Variants in ITGA9 observed in about 807,000 individuals in gnomAD.
ITGA9 encodes integrin alpha-9.
ITGA9 carries 56 observed loss-of-function variants against 127.8 expected under a neutral mutation model. The observed-to-expected ratio is 0.44, with a 90% confidence interval of 0.35 to 0.55. The LOEUF is 0.55. ITGA9 is among the 20% of genes least tolerant of loss of function. ITGA9 has a pLI of 0.00. For missense variants in ITGA9, 1,196 were observed against 1,347.1 expected (o/e 0.89, Z 1.76); for synonymous variants, 508 against 514.5 (o/e 0.99, Z 0.17).
At chr3:37,580,505 G>C (rs1306528377) in intron 15 of ITGA9, among the ~76,000 whole-genome samples, 1 of 152,204 alleles carries the variant, frequency 6.6e-6, no homozygotes, top group Non-Finnish European at 1.5e-5. Context: ...AGGGAAAGGG[G>C]AAAAATCACT....
rs372528545 is a variant in ITGA9, at chr3:37,555,347, C to T, written c.1689+12762C>T. Reference sequence around the variant, plus strand: ...ACTTTCTGTGATGAAGGAAATGTTCCGTATCAGCACTGTCCAATATGGTGG... The same window carrying T: ...ACTTTCTGTGATGAAGGAAATGTTCTGTATCAGCACTGTCCAATATGGTGG... On this transcript the variant is annotated intron_variant, in intron 15 of 27. Transcript: ENST00000264741. Among the ~76,000 whole-genome samples the T allele has an allele frequency of 2.9e-5, 4 of 139,880 alleles. No individual in the cohort carries two copies. In the East Asian group the frequency reaches 7.3e-4, roughly 25 times the overall value. The allele number at this position is 139,880 out of a possible 152,430, so 91.8% of individuals were successfully genotyped here.
In ITGA9 at chr3:37,821,096, T is replaced by G. The variant is rs1697509079; in HGVS notation, c.*2107T>G. On this transcript the variant is annotated 3_prime_UTR_variant, in exon 28 of 28. Coordinates refer to ENST00000264741, the MANE Select transcript of ITGA9 (RefSeq NM_002207.3). The stretch of plus-strand genomic sequence containing the variant: ...GATTACAGATGTAACCTCATGCTTC[T>G]CTTCCTGGTGAACATGGGAATAGAC... 1 of 152,204 alleles carries G rather than the reference T, an allele frequency of 6.6e-6. No homozygotes were observed. Among genetic ancestry groups the G allele is most frequent in the Non-Finnish European group, 1.5e-5 (1 of 68,038 alleles). 9.4% of individuals were successfully genotyped at this position (152,204 alleles called of 1,614,324 possible).
At chr3:37,521,691 G>A (rs1006815903) in intron 11 of ITGA9, among the ~76,000 whole-genome samples, 15 of 152,276 alleles carry the variant, frequency 9.9e-5, no homozygotes, top group Admixed American at 4.6e-4. Context: ...TCTGCCCCTC[G>A]TCCCAGCCAC....
chr3:37,640,520 A>C (rs1700322018), intron 16 of ITGA9, among the ~76,000 whole-genome samples: 1 of 152,092 alleles, frequency 6.6e-6, no homozygotes, highest in African/African-American at 2.4e-5. Context: ...CCTCTAGATA[A>C]TCGTCCAGAC....
chr3:37,659,599 T>G (rs954607126), intron 17 of ITGA9, among the ~76,000 whole-genome samples: 1 of 152,104 alleles, frequency 6.6e-6, no homozygotes, highest in Admixed American at 6.5e-5. Context: ...TTCAAGGTTC[T>G]TAGCATCCTT....
intron 18 of ITGA9, among the ~76,000 whole-genome samples, chr3:37,708,368 C>T (rs1701030424): frequency 6.6e-6 from 1 of 152,178 alleles, no homozygotes; most frequent in South Asian, 2.1e-4. Flanking sequence ...ATGATTTCAG[C>T]TCAAATTCAA....
Position 37,732,695 on chromosome 3 carries a change from G to A in ITGA9, c.2068-17G>A. On this transcript the variant is annotated splice_polypyrimidine_tract_variant and intron_variant, in intron 18 of 27. Coordinates refer to ENST00000264741, the MANE Select transcript of ITGA9 (RefSeq NM_002207.3). ...CTTTTGTGCAGCCGGCCCATCTGTT[G>A]GTGCTTTTTCTTTCAGGAGGAGATG... The A allele has an allele frequency of 6.3e-7, 1 of 1,594,884 alleles. No homozygotes were observed. Among genetic ancestry groups the A allele is most frequent in the Non-Finnish European group, 8.6e-7 (1 of 1,169,534 alleles).
intron 18 of ITGA9, among the ~76,000 whole-genome samples, chr3:37,704,719 G>C (rs1472256333): frequency 1.3e-5 from 2 of 152,112 alleles, no homozygotes; most frequent in African/African-American, 4.8e-5. Flanking sequence ...TGGCATGGTG[G>C]GTCTGAAACT....
chr3:37,611,439 A>G (rs1700015273), intron 15 of ITGA9, among the ~76,000 whole-genome samples: 1 of 152,196 alleles, frequency 6.6e-6, no homozygotes, highest in African/African-American at 2.4e-5. Flanking sequence ...GGTGGCCATT[A>G]GTGACCTTGT....
At chr3:37,797,139 G>A (rs941771700) in intron 26 of ITGA9, among the ~76,000 whole-genome samples, 13 of 152,000 alleles carry the variant, frequency 8.6e-5, no homozygotes, top group Admixed American at 2.6e-4. Flanking sequence ...ACCAGCCTGG[G>A]CAACATGGCA....
intron 16 of ITGA9, among the ~76,000 whole-genome samples, chr3:37,641,056 G>A (rs1700328185): frequency 6.6e-6 from 1 of 152,144 alleles, no homozygotes; most frequent in South Asian, 2.1e-4. Context: ...CTCTGAGGGG[G>A]GTCCCGTCTC....
intron 26 of ITGA9, among the ~76,000 whole-genome samples, chr3:37,788,812 A>C (rs746469347): frequency 7.2e-5 from 11 of 152,046 alleles, no homozygotes; most frequent in Non-Finnish European, 1.6e-4. Context: ...TTTTTAATTT[A>C]ATTATTCTTT....
At chr3:37,711,061 G>T (rs1291292376) in intron 18 of ITGA9, among the ~76,000 whole-genome samples, 1 of 152,222 alleles carries the variant, frequency 6.6e-6, no homozygotes, top group Admixed American at 6.5e-5. Flanking sequence ...ATGTTGGCTG[G>T]GGATGCAGTT....
intron 15 of ITGA9, among the ~76,000 whole-genome samples, chr3:37,546,487 G>A (rs987978428): frequency 6.6e-6 from 1 of 152,228 alleles, no homozygotes; most frequent in Admixed American, 6.5e-5. Flanking sequence ...TTGATCAGAT[G>A]TGCCTTGCCC....
chr3:37,564,439 G>T (rs559544417), intron 15 of ITGA9, among the ~76,000 whole-genome samples: 4 of 152,178 alleles, frequency 2.6e-5, no homozygotes, highest in African/African-American at 9.6e-5. Context: ...TGACTTAATT[G>T]TTTTGTTATA....
chr3:37,606,970 CTTTTTTTTTT>C (rs11306321), intron 15 of ITGA9, among the ~76,000 whole-genome samples: 1 of 103,778 alleles, frequency 9.6e-6, no homozygotes, highest in Non-Finnish European at 1.9e-5. Context: ...CTCATGGCTC[CTTTTTTTTTT>C]TTTTTTTTTT....
At chr3:37,765,436 C>T (rs13079586) in intron 23 of ITGA9, among the ~76,000 whole-genome samples, 35,722 of 152,110 alleles carry the variant, frequency 0.23, 5,123 homozygotes, top group Middle Eastern at 0.41. Context: ...CACTGCTGAT[C>T]TCAGTAATGG....
At chr3:37,626,696 G>A (rs1467055763) in intron 15 of ITGA9, among the ~76,000 whole-genome samples, 1 of 152,082 alleles carries the variant, frequency 6.6e-6, no homozygotes, top group Non-Finnish European at 1.5e-5. Flanking sequence ...GGAAGGTGGG[G>A]GTCAATAATC....
chr3:37,480,155 C>T (rs1458419361), intron 3 of ITGA9, among the ~76,000 whole-genome samples: 1 of 151,892 alleles, frequency 6.6e-6, no homozygotes, highest in African/African-American at 2.4e-5. Flanking sequence ...ATCAGCACAG[C>T]AGTGACATCT....
Sources: allele counts gnomAD v4.1 joint callset (sites outside exome capture counted in the v4.1 genomes callset), GRCh38; gene constraint gnomAD v4.1.1; transcripts MANE v1.5; gene names NCBI Gene and HGNC (gene_info 2026-07-23, HGNC 2026-07-21).